The following HSF5 variants were observed in gnomAD, a reference collection of about 807,000 sequenced individuals.
HSF5 encodes heat shock transcription factor 5, also known as heat shock factor protein 5.
In HSF5, 5 loss-of-function variants were observed where a neutral mutation model predicts 50.8. That is an observed-to-expected ratio of 0.10 (90% CI 0.05 to 0.21). The LOEUF is 0.21. Ranked by LOEUF, HSF5 falls within the 10% of genes least tolerant of loss-of-function variation. The pLI, the probability that HSF5 is intolerant of heterozygous loss-of-function variation, is 1.00. For missense variants in HSF5, 564 were observed against 762.6 expected (o/e 0.74, Z 3.07); for synonymous variants, 307 against 307.4 (o/e 1.00, Z 0.02).
intron 1 of HSF5, 40 bp from the exon 2 acceptor site, chr17:58,480,307 T>TA: frequency 6.4e-7 from 1 of 1,551,222 alleles, no homozygotes; most frequent in Non-Finnish European, 8.7e-7. Flanking sequence ...AATTTTGCAT[T>TA]ACATCACCAG....
intron 5 of HSF5, among the ~76,000 whole-genome samples, chr17:58,451,153 A>G (rs1164534093): frequency 6.6e-6 from 1 of 152,214 alleles, no homozygotes; most frequent in Non-Finnish European, 1.5e-5. Flanking sequence ...AGTTGTAGGT[A>G]TATACACACC....
chr17:58,446,219 C>T (rs1197605211), intron 5 of HSF5, among the ~76,000 whole-genome samples: 7 of 151,774 alleles, frequency 4.6e-5, no homozygotes, highest in Non-Finnish European at 2.9e-5. Context: ...ATTCTCCCCC[C>T]ACAGGAACAT....
intron 3 of HSF5, among the ~76,000 whole-genome samples, chr17:58,466,218 T>C (rs892499895): frequency 6.6e-6 from 1 of 152,334 alleles, no homozygotes; most frequent in East Asian, 1.9e-4. Context: ...TGAACCATTA[T>C]GGTGTTTACA....
intron 5 of HSF5, among the ~76,000 whole-genome samples, chr17:58,426,435 C>A (rs1041300437): frequency 6.6e-6 from 1 of 152,186 alleles, no homozygotes; most frequent in African/African-American, 2.4e-5. Flanking sequence ...CTTGCATATT[C>A]ATCAGAGAAG....
At chr17:58,446,137 C>CAAAAA (rs575406434) in intron 5 of HSF5, among the ~76,000 whole-genome samples, 12 of 47,828 alleles carry the variant, frequency 2.5e-4, no homozygotes, top group African/African-American at 9.2e-4. Flanking sequence ...AACTCCATCT[C>CAAAAA]AAAAAAAAAA....
intron 2 of HSF5, among the ~76,000 whole-genome samples, chr17:58,467,777 T>C (rs1010734139): frequency 1.3e-5 from 2 of 152,242 alleles, no homozygotes; most frequent in Admixed American, 1.3e-4. Context: ...TTTCCCTTTA[T>C]AGTCAGGACA....
intron 2 of HSF5, among the ~76,000 whole-genome samples, chr17:58,473,971 A>G (rs1214623773): frequency 6.6e-6 from 1 of 152,072 alleles, no homozygotes; most frequent in East Asian, 1.9e-4. Context: ...TCAGCCCCCA[A>G]GTAGCTGGGA....
At chr17:58,480,385 GT>G (rs1184754176) in intron 1 of HSF5, 118 bp from the exon 2 acceptor site, 63 of 914,064 alleles carry the variant, frequency 6.9e-5, no homozygotes, top group African/African-American at 8.1e-5. Context: ...CACAACAGAA[GT>G]TTAGGTTTGG....
chr17:58,471,308 C>T (rs922403161), intron 2 of HSF5, among the ~76,000 whole-genome samples: 13 of 152,206 alleles, frequency 8.5e-5, no homozygotes, highest in South Asian at 2.1e-4. Context: ...CTTCCTGGTG[C>T]TAAGTGCCTC....
chr17:58,475,315 T>C (rs765438807), intron 2 of HSF5, among the ~76,000 whole-genome samples: 37 of 152,242 alleles, frequency 2.4e-4, no homozygotes, highest in Admixed American at 1.1e-3. Flanking sequence ...TTTAGTTTTA[T>C]CGTAACAAAG....
intron 2 of HSF5, among the ~76,000 whole-genome samples, chr17:58,469,790 G>A (rs1277245635): frequency 6.6e-6 from 1 of 152,144 alleles, no homozygotes; most frequent in Non-Finnish European, 1.5e-5. Context: ...TAAATTCCAT[G>A]TAGAAAGAAA....
intron 5 of HSF5, among the ~76,000 whole-genome samples, chr17:58,427,438 A>C (rs1974310270): frequency 6.6e-6 from 1 of 152,202 alleles, no homozygotes; most frequent in Non-Finnish European, 1.5e-5. Context: ...GATATTGAGC[A>C]ACATAATGAT....
intron 5 of HSF5, among the ~76,000 whole-genome samples, chr17:58,455,220 T>A (rs915132035): frequency 3.9e-5 from 6 of 152,170 alleles, no homozygotes; most frequent in Admixed American, 3.9e-4. Flanking sequence ...AGTACACACA[T>A]TGGAGAAAGG....
chr17:58,442,353 A>C (rs1974509469), intron 5 of HSF5, among the ~76,000 whole-genome samples: 1 of 152,250 alleles, frequency 6.6e-6, no homozygotes, highest in Non-Finnish European at 1.5e-5. Context: ...CCTTATTTCA[A>C]GGGTGAGGTC....
chr17:58,448,977 G>T (rs1350664435), intron 5 of HSF5, among the ~76,000 whole-genome samples: 1 of 152,188 alleles, frequency 6.6e-6, no homozygotes, highest in Non-Finnish European at 1.5e-5. Context: ...GTCAAAGTGT[G>T]AAGGGGGATG....
Position 58,439,727 on chromosome 17 carries a change from G to A in HSF5, c.1721-17297C>T, listed in dbSNP as rs149339817. 6.4e-3 allele frequency among the ~76,000 whole-genome samples: 970 copies of A among 152,154 alleles called. 6 individuals carry two copies. The highest frequency in any genetic ancestry group is 0.022 in the African/African-American group (907 of 41,516). On this transcript the variant is annotated intron_variant, in intron 5 of 5. Transcript: ENST00000323777. ...TGGAACTCCCAACCTCAGGTGATCC[G>A]CCCGCCTTGGCCTCCCAAAGTGCTG... is the stretch of plus-strand genomic sequence containing the variant.
At chr17:58,470,325 T>C (rs1211964672) in intron 2 of HSF5, among the ~76,000 whole-genome samples, 5 of 152,176 alleles carry the variant, frequency 3.3e-5, no homozygotes, top group Admixed American at 6.5e-5. Context: ...CAATGGAGTA[T>C]TATCCAGCCT....
chr17:58,427,077 C>A (rs1455592471), intron 5 of HSF5, among the ~76,000 whole-genome samples: 1 of 151,936 alleles, frequency 6.6e-6, no homozygotes. Context: ...CATGGTGAAA[C>A]CCTGTCTCTA....
At chr17:58,425,095 T>C (rs1174194409) in intron 5 of HSF5, among the ~76,000 whole-genome samples, 8 of 151,900 alleles carry the variant, frequency 5.3e-5, no homozygotes, top group Non-Finnish European at 1.5e-5. Flanking sequence ...CTGAACTGTA[T>C]ACTTAAAAAT....
Sources: allele counts gnomAD v4.1 joint callset (sites outside exome capture counted in the v4.1 genomes callset), GRCh38; gene constraint gnomAD v4.1.1; transcripts MANE v1.5; gene names NCBI Gene and HGNC (gene_info 2026-07-23, HGNC 2026-07-21).